SPTBN1: variants seen among roughly 807,000 people sequenced by gnomAD.
SPTBN1 encodes spectrin beta chain, non-erythrocytic 1.
SPTBN1 carries 32 observed loss-of-function variants against 266.4 expected under a neutral mutation model. The observed-to-expected ratio is 0.12, with a 90% confidence interval of 0.09 to 0.16. The LOEUF (loss-of-function observed/expected upper bound fraction) is 0.16. SPTBN1 is among the 10% of genes least tolerant of loss of function. The pLI is 1.00. For missense variants in SPTBN1, 2,296 were observed against 3,067.1 expected, an observed-to-expected ratio of 0.75 and a Z score of 5.94; for synonymous variants, 1,336 against 1,162.2, an observed-to-expected ratio of 1.15 and a Z score of -3.04.
intron 2 of SPTBN1, among the ~76,000 whole-genome samples, chr2:54,592,681 G>T (rs1573485674): frequency 6.6e-6 from 1 of 152,158 alleles, no homozygotes. Flanking sequence ...GAGCCAACGC[G>T]CCCAGCTACC....
At chr2:54,521,789 G>A (rs1005284071) in intron 1 of SPTBN1, among the ~76,000 whole-genome samples, 9 of 152,180 alleles carry the variant, frequency 5.9e-5, no homozygotes, top group African/African-American at 9.7e-5. Context: ...CTCCCAAATT[G>A]TTGAGATTAC....
intron 1 of SPTBN1, among the ~76,000 whole-genome samples, chr2:54,487,170 CTTTTTTTTTT>C (rs34779689): frequency 1.3e-4 from 13 of 98,572 alleles, no homozygotes; most frequent in East Asian, 6.3e-4. Flanking sequence ...ATTAGGATTT[CTTTTTTTTTT>C]TTTTTTTTTT....
chr2:54,643,675 G>T (rs927261820), intron 19 of SPTBN1, among the ~76,000 whole-genome samples: 4 of 151,922 alleles, frequency 2.6e-5, no homozygotes, highest in Non-Finnish European at 4.4e-5. Context: ...TAGTGTTTCA[G>T]ATTCTTCACG....
intron 3 of SPTBN1, among the ~76,000 whole-genome samples, chr2:54,608,604 A>C (rs1411959273): frequency 6.6e-6 from 1 of 152,072 alleles, no homozygotes; most frequent in Admixed American, 6.5e-5. Context: ...AATAGGAAGG[A>C]GAGAAGGATG....
At position 54,645,571 on chromosome 2, in the gene SPTBN1, C is replaced by G. The variant is rs995111952; in HGVS notation, c.4494+118C>G. ...GGGCCACGTTGGCAAGCTGAGCTGCCAAAGTCCACGCTCTGGATGGTCTAA... is the reference window on the plus strand; with the variant it reads ...GGGCCACGTTGGCAAGCTGAGCTGCGAAAGTCCACGCTCTGGATGGTCTAA... On this transcript the variant is annotated intron_variant, in intron 21 of 35. Coordinates refer to ENST00000356805, the MANE Select transcript of SPTBN1 (RefSeq NM_003128.3). This position sits in a 1 kb window ranked among gnomAD's most constrained non-coding sequence, Gnocchi z 4.3. 1.4e-5 allele frequency: 15 copies of G among 1,037,062 alleles called. No homozygotes were observed. Among genetic ancestry groups the G allele is most frequent in the Non-Finnish European group, 2.0e-5 (14 of 709,594 alleles). 64.2% of individuals were successfully genotyped at this position (1,037,062 alleles called of 1,614,324 possible). A position where few individuals can be genotyped will look rare whatever the true frequency, so the allele number is the denominator to read the frequency against.
At chr2:54,548,997 A>G (rs1283507067) in intron 2 of SPTBN1, among the ~76,000 whole-genome samples, 1 of 152,154 alleles carries the variant, frequency 6.6e-6, no homozygotes, top group East Asian at 1.9e-4. Flanking sequence ...TATAGGGTGA[A>G]GGTTCTGTAA....
chr2:54,655,891 C>T (rs201720157), intron 28 of SPTBN1, 23 bp from the exon 29 acceptor site: 53 of 1,593,938 alleles, frequency 3.3e-5, no homozygotes, highest in East Asian at 6.7e-5. Context: ...TAAGATGTCC[C>T]GGGGATCCTC....
At position 54,646,124 on chromosome 2, in the gene SPTBN1, A is replaced by G. The variant is rs766702441; in HGVS notation, c.4585-70A>G. On this transcript the variant is annotated intron_variant, in intron 22 of 35. Transcript: ENST00000356805. The surrounding 1 kb of genome is among the most constrained non-coding windows in gnomAD (Gnocchi z 4.4). ...AGCCTTGCTATTTCTTTCTGGCCCT[A>G]ACAGCTTGACATAAGCAGCAGACGG... 5.6e-5 allele frequency: 90 copies of G among 1,600,258 alleles called. No individual in the cohort carries two copies. The highest frequency in any genetic ancestry group is 7.3e-5 in the Non-Finnish European group (85 of 1,172,020).
chr2:54,553,639 C>T (rs907610807), intron 2 of SPTBN1, among the ~76,000 whole-genome samples: 2 of 152,182 alleles, frequency 1.3e-5, no homozygotes, highest in Admixed American at 6.5e-5. Context: ...AAACACAATC[C>T]TATATGAAAC....
intron 1 of SPTBN1, among the ~76,000 whole-genome samples, chr2:54,465,946 C>T (rs1558749284): frequency 6.6e-6 from 1 of 151,966 alleles, no homozygotes; most frequent in Non-Finnish European, 1.5e-5. Context: ...ATTTTTTCTG[C>T]CATCAGCTTT....
rs549491367 is a variant in SPTBN1, at chr2:54,530,353, C to CTTTTTTTTTT, written c.148+3801_148+3810dup. ...TAGGTTATCTGTGAATTGTAAAAAACTTTTTTTTTTTTTTTTTTTTTTTGA... is the reference window on the plus strand; with the variant it reads ...TAGGTTATCTGTGAATTGTAAAAAACTTTTTTTTTTTTTTTTTTTTTTTTTTTTTTTTTGA... On this transcript the variant is annotated intron_variant, in intron 2 of 35. Transcript: ENST00000356805. Among the ~76,000 whole-genome samples, 187 of 73,898 alleles carry CTTTTTTTTTT rather than the reference C, an allele frequency of 2.5e-3. 22 individuals are homozygous for CTTTTTTTTTT. Among genetic ancestry groups the CTTTTTTTTTT allele is most frequent in the African/African-American group, 4.9e-3 (93 of 18,936 alleles). The allele number at this position is 73,898 out of a possible 152,430, so 48.5% of individuals were successfully genotyped here.
At position 54,649,503 on chromosome 2, in the gene SPTBN1, T is replaced by C. The variant is rs543489843; in HGVS notation, c.5203-112T>C. ...ATCTATTGTTCTGAAGTCATGAGTA[T>C]TATTGGCTACATCTTGCTTAGAGGC... On this transcript the variant is annotated intron_variant, in intron 25 of 35. Transcript: ENST00000356805. This position sits in a 1 kb window ranked among gnomAD's most constrained non-coding sequence, Gnocchi z 6.7. The C allele has an allele frequency of 6.9e-7, 1 of 1,448,220 alleles. No individual in the cohort carries two copies. Among genetic ancestry groups the C allele is most frequent in the East Asian group, 2.4e-5 (1 of 41,546 alleles). 89.7% of individuals were successfully genotyped at this position (1,448,220 alleles called of 1,614,324 possible). A position where few individuals can be genotyped will look rare whatever the true frequency, so the allele number is the denominator to read the frequency against.
intron 2 of SPTBN1, among the ~76,000 whole-genome samples, chr2:54,551,850 A>T (rs1235673684): frequency 1.3e-5 from 2 of 151,916 alleles, no homozygotes; most frequent in Non-Finnish European, 2.9e-5. Flanking sequence ...TGTTATTTTG[A>T]GTCCTGAACT....
intron 30 of SPTBN1, 97 bp downstream of exon 30, chr2:54,658,143 T>C: frequency 6.8e-7 from 1 of 1,480,868 alleles, no homozygotes; most frequent in Non-Finnish European, 9.1e-7. Flanking sequence ...TTGCTTGTTT[T>C]TGTTTTTTGG....
intron 1 of SPTBN1, among the ~76,000 whole-genome samples, chr2:54,511,455 G>T (rs1016091050): frequency 6.6e-6 from 1 of 152,296 alleles, no homozygotes; most frequent in East Asian, 1.9e-4. Flanking sequence ...TGGCACCAGG[G>T]ACTAGTTTCG....
At chr2:54,564,226 G>C (rs1673518466) in intron 2 of SPTBN1, among the ~76,000 whole-genome samples, 1 of 152,152 alleles carries the variant, frequency 6.6e-6, no homozygotes, top group South Asian at 2.1e-4. Flanking sequence ...ATTCTTGGAG[G>C]CTAGTTATAT....
chr2:54,623,269 G>A, intron 9 of SPTBN1, among the ~76,000 whole-genome samples: 1 of 152,150 alleles, frequency 6.6e-6, no homozygotes, highest in East Asian at 1.9e-4. Flanking sequence ...GCATGCCTTT[G>A]ACACCCTCAA....
At chr2:54,502,955 G>A (rs746686701) in intron 1 of SPTBN1, among the ~76,000 whole-genome samples, 42 of 152,158 alleles carry the variant, frequency 2.8e-4, no homozygotes, top group Non-Finnish European at 4.3e-4. Flanking sequence ...GAATGCACTC[G>A]AGGCTACTGC....
intron 1 of SPTBN1, among the ~76,000 whole-genome samples, chr2:54,506,826 G>GC (rs1268657688): frequency 1.3e-5 from 2 of 151,556 alleles, no homozygotes; most frequent in African/African-American, 4.8e-5. Context: ...GAGGCCCTGG[G>GC]CTGGGACTAG....
Sources: gnomAD v4.1 joint callset for allele counts (sites outside exome capture counted in the v4.1 genomes callset) on GRCh38, gnomAD v4.1.1 for gene constraint, Gnocchi (gnomAD v3.1) non-coding constraint, MANE v1.5 for transcripts, NCBI Gene and HGNC (gene_info 2026-07-23, HGNC 2026-07-21) for gene names.